Variants in FAM210A observed in about 807,000 individuals in gnomAD.
FAM210A encodes the protein family with sequence similarity 210 member A.
FAM210A carries 13 observed loss-of-function variants against 25.3 expected under a neutral mutation model. The observed-to-expected ratio is 0.51, with a 90% confidence interval of 0.33 to 0.82. The LOEUF is 0.82. Ranked by LOEUF, FAM210A falls within the 40% of genes least tolerant of loss-of-function variation. The pLI is 0.02. For synonymous variants in FAM210A, 125 were observed against 118.7 expected (o/e 1.05, Z -0.35); for missense variants, 319 against 323.2 (o/e 0.99, Z 0.10).
intron 1 of FAM210A, among the ~76,000 whole-genome samples, chr18:13,721,996 C>T (rs577094786): frequency 6.6e-5 from 10 of 152,224 alleles, no homozygotes; most frequent in African/African-American, 2.4e-4. Context: ...ATCCAGCCTC[C>T]CCTCAGTCAG....
chr18:13,722,176 C>T (rs908517591), intron 1 of FAM210A, among the ~76,000 whole-genome samples: 1 of 151,894 alleles, frequency 6.6e-6, no homozygotes, highest in Admixed American at 6.6e-5. Context: ...TCTAGGGACA[C>T]CATGACCACC....
At chr18:13,717,333 G>C (rs2043868724) in intron 1 of FAM210A, among the ~76,000 whole-genome samples, 1 of 152,156 alleles carries the variant, frequency 6.6e-6, no homozygotes. Context: ...TTTAGAGACA[G>C]AGTGTCACTC....
chr18:13,717,270 C>T (rs117631242), intron 1 of FAM210A, among the ~76,000 whole-genome samples: 2,832 of 152,224 alleles, frequency 0.019, 37 homozygotes, highest in Non-Finnish European at 0.031. Context: ...GATTAGTGCC[C>T]GAGATTAGTG....
At chr18:13,687,532 CA>C (rs917235655) in intron 1 of FAM210A, among the ~76,000 whole-genome samples, 3 of 152,112 alleles carry the variant, frequency 2.0e-5, no homozygotes, top group Admixed American at 2.0e-4. Context: ...TATGACCTTC[CA>C]GGGGCACTCC....
chr18:13,695,246 A>C (rs1351817268), intron 1 of FAM210A, among the ~76,000 whole-genome samples: 1 of 152,198 alleles, frequency 6.6e-6, no homozygotes, highest in Non-Finnish European at 1.5e-5. Context: ...AGAAATAGGA[A>C]CACTTTGACA....
intron 3 of FAM210A, 142 bp from the exon 4 acceptor site, chr18:13,666,855 T>C: frequency 1.5e-6 from 1 of 685,580 alleles, no homozygotes; most frequent in Admixed American, 2.8e-5. Context: ...TGTAGTAATA[T>C]CCTATATGGT....
intron 1 of FAM210A, among the ~76,000 whole-genome samples, chr18:13,701,391 A>G (rs1421863698): frequency 6.6e-6 from 1 of 152,210 alleles, no homozygotes; most frequent in Non-Finnish European, 1.5e-5. Flanking sequence ...GGCCTCTTAC[A>G]TCTGACTGGG....
At chr18:13,697,574 G>A (rs1292721754) in intron 1 of FAM210A, 1 of 153,148 alleles carries the variant, frequency 6.5e-6, no homozygotes, top group African/African-American at 2.4e-5. Flanking sequence ...GGCCAGGCAT[G>A]CTGGCACACA....
At chr18:13,722,377 G>A (rs1158708388) in intron 1 of FAM210A, among the ~76,000 whole-genome samples, 7 of 151,624 alleles carry the variant, frequency 4.6e-5, no homozygotes, top group Non-Finnish European at 4.4e-5. Flanking sequence ...CTGACCTGAA[G>A]AGAAAAGCAA....
intron 1 of FAM210A, among the ~76,000 whole-genome samples, chr18:13,724,386 C>G (rs1475529334): frequency 6.6e-6 from 1 of 152,200 alleles, no homozygotes. Flanking sequence ...GGCCAAGTTA[C>G]TTAACCCTCA....
At chr18:13,721,583 G>A (rs1485176676) in intron 1 of FAM210A, among the ~76,000 whole-genome samples, 1 of 152,048 alleles carries the variant, frequency 6.6e-6, no homozygotes, top group Admixed American at 6.6e-5. Context: ...GCTTCTACTT[G>A]GCCTTTCCTA....
In FAM210A at chr18:13,676,258, G is replaced by A. The variant is rs1475023191; in HGVS notation, c.474-4285C>T. Among the ~76,000 whole-genome samples the A allele has an allele frequency of 2.3e-5, 3 of 131,074 alleles. No individual in the cohort carries two copies. In the South Asian group the frequency reaches 8.2e-4, roughly 36 times the overall value. 86.0% of individuals were successfully genotyped at this position (131,074 alleles called of 152,430 possible). ...CTGATTATTAACATTCCTGAGCCCT[G>A]GCTTCTTTATTTCCAGTTTCCTGAT... On this transcript the variant is annotated intron_variant, in intron 2 of 3. Transcript: ENST00000651643.
intron 2 of FAM210A, among the ~76,000 whole-genome samples, chr18:13,676,207 G>GC (rs1446421806): frequency 8.5e-6 from 1 of 117,644 alleles, no homozygotes; most frequent in African/African-American, 3.5e-5. Flanking sequence ...ACATTCCTGA[G>GC]CCCCGGCTTC....
intron 1 of FAM210A, among the ~76,000 whole-genome samples, chr18:13,699,742 C>T (rs763342843): frequency 2.6e-5 from 4 of 152,122 alleles, no homozygotes; most frequent in South Asian, 2.1e-4. Flanking sequence ...ATCCTTTTAT[C>T]GCGTGGTATT....
At chr18:13,696,876 A>G (rs1483505006) in intron 1 of FAM210A, among the ~76,000 whole-genome samples, 1 of 152,208 alleles carries the variant, frequency 6.6e-6, no homozygotes, top group African/African-American at 2.4e-5. Context: ...GTTATGTCCT[A>G]GGCCTTCACA....
intron 1 of FAM210A, among the ~76,000 whole-genome samples, chr18:13,693,275 C>A (rs1164498486): frequency 6.6e-6 from 1 of 152,114 alleles, no homozygotes; most frequent in African/African-American, 2.4e-5. Flanking sequence ...CAAAAAAAGT[C>A]CAGGACCAGA....
At chr18:13,719,896 CATTT>C (rs2043886131) in intron 1 of FAM210A, among the ~76,000 whole-genome samples, 1 of 152,184 alleles carries the variant, frequency 6.6e-6, no homozygotes. Flanking sequence ...TGTATCATCT[CATTT>C]ATTCTATAAA....
chr18:13,696,504 C>G (rs1256441562), intron 1 of FAM210A, among the ~76,000 whole-genome samples: 1 of 152,158 alleles, frequency 6.6e-6, no homozygotes, highest in African/African-American at 2.4e-5. Flanking sequence ...TCATGTATCA[C>G]AGAGCTTCAG....
chr18:13,708,567 C>T (rs1194065693), intron 1 of FAM210A, among the ~76,000 whole-genome samples: 1 of 152,186 alleles, frequency 6.6e-6, no homozygotes, highest in Non-Finnish European at 1.5e-5. Context: ...ATAAAACGTA[C>T]TCCTATCACT....
Sources: gnomAD v4.1 joint callset for allele counts (sites outside exome capture counted in the v4.1 genomes callset) on GRCh38, gnomAD v4.1.1 for gene constraint, MANE v1.5 for transcripts, NCBI Gene and HGNC (gene_info 2026-07-23, HGNC 2026-07-21) for gene names.